Variants in PPARGC1A observed in about 807,000 individuals in gnomAD.
PPARGC1A encodes peroxisome proliferator-activated receptor gamma coactivator 1-alpha.
PPARGC1A carries 25 observed loss-of-function variants against 88.7 expected under a neutral mutation model. The ratio of observed to expected loss-of-function variants is 0.28; its 90% CI spans 0.21 to 0.39. PPARGC1A has a LOEUF of 0.39. Ranked by LOEUF, PPARGC1A falls within the 10% of genes least tolerant of loss-of-function variation. The pLI is 1.00. For synonymous variants in PPARGC1A, 363 were observed against 355.6 expected (o/e 1.02, Z -0.24); for missense variants, 880 against 968.7 (o/e 0.91, Z 1.22).
chr4:24,007,940 A>G, the PPARGC1A span, among the ~76,000 whole-genome samples: 1 of 152,178 alleles, frequency 6.6e-6, no homozygotes, highest in Non-Finnish European at 1.5e-5. Context: ...TCAGCTCTGC[A>G]GTGCAGCCAT....
At chr4:23,960,812 A>G in the PPARGC1A span, among the ~76,000 whole-genome samples, 13 of 152,136 alleles carry the variant, frequency 8.5e-5, no homozygotes, top group African/African-American at 2.9e-4. Flanking sequence ...TTCATAAAAT[A>G]ATTAAGCATT....
chr4:23,889,752 G>A, intron 1 of PPARGC1A, 152 bp downstream of exon 1: 1 of 913,748 alleles, frequency 1.1e-6, no homozygotes, highest in Middle Eastern at 3.0e-4. Flanking sequence ...ACTTATTGGA[G>A]TTAAGATAAG....
At chr4:23,844,764 A>AATAATATATGATATATATTATT (rs1553889234) in intron 2 of PPARGC1A, among the ~76,000 whole-genome samples, 12,851 of 45,444 alleles carry the variant, frequency 0.28, 2,634 homozygotes, top group Non-Finnish European at 0.31. Context: ...TATATATTAT[A>AATAATATATGATATATATTATT]ATAATATATG....
chr4:23,897,507 C>A (rs1718735327), intron 1 of PPARGC1A, among the ~76,000 whole-genome samples: 1 of 152,154 alleles, frequency 6.6e-6, no homozygotes, highest in African/African-American at 2.4e-5. Flanking sequence ...AAGATCTCTG[C>A]CAGATCTAAA....
the PPARGC1A span, among the ~76,000 whole-genome samples, chr4:24,417,941 T>C: frequency 6.6e-6 from 1 of 152,050 alleles, no homozygotes; most frequent in Admixed American, 6.5e-5. Context: ...ATGACTTCTA[T>C]ATGGCTATAA....
chr4:24,281,401 A>C, the PPARGC1A span, among the ~76,000 whole-genome samples: 5 of 152,200 alleles, frequency 3.3e-5, no homozygotes, highest in Non-Finnish European at 5.9e-5. Flanking sequence ...GCATGTGTAG[A>C]GATCACACAG....
the PPARGC1A span, among the ~76,000 whole-genome samples, chr4:23,962,033 C>T: frequency 5.4e-4 from 82 of 152,082 alleles, no homozygotes; most frequent in African/African-American, 2.0e-3. Flanking sequence ...CTGGCCAGTA[C>T]GAAAAGGGTT....
chr4:24,354,862 G>C, the PPARGC1A span, among the ~76,000 whole-genome samples: 1 of 151,868 alleles, frequency 6.6e-6, no homozygotes, highest in Admixed American at 6.6e-5. Flanking sequence ...ACTCCAGCAT[G>C]GGCGACAGAG....
At chr4:24,080,237 C>G in the PPARGC1A span, among the ~76,000 whole-genome samples, 1 of 151,970 alleles carries the variant, frequency 6.6e-6, no homozygotes, top group Admixed American at 6.6e-5. Context: ...GGGAGTTGTA[C>G]TGTTTTTCCA....
chr4:24,267,211 A>C, the PPARGC1A span, among the ~76,000 whole-genome samples: 38 of 152,310 alleles, frequency 2.5e-4, no homozygotes, highest in Admixed American at 4.6e-4. Flanking sequence ...TGGAATGCTA[A>C]TATGCAAATG....
the PPARGC1A span, among the ~76,000 whole-genome samples, chr4:24,274,498 T>C: frequency 3.9e-5 from 6 of 152,260 alleles, no homozygotes; most frequent in Non-Finnish European, 7.3e-5. Flanking sequence ...ATAGACAGTA[T>C]GTAAACAAAT....
At chr4:24,170,245 G>A in the PPARGC1A span, among the ~76,000 whole-genome samples, 1 of 152,148 alleles carries the variant, frequency 6.6e-6, no homozygotes, top group African/African-American at 2.4e-5. Context: ...GGGTGTAAGA[G>A]GCAACAACTT....
chr4:24,078,373 T>C, the PPARGC1A span, among the ~76,000 whole-genome samples: 2 of 152,122 alleles, frequency 1.3e-5, no homozygotes, highest in African/African-American at 4.8e-5. Flanking sequence ...TGTTGGCACT[T>C]TGAAAGAGAA....
chr4:24,102,995 A>C, the PPARGC1A span, among the ~76,000 whole-genome samples: 1 of 152,180 alleles, frequency 6.6e-6, no homozygotes, highest in African/African-American at 2.4e-5. Context: ...GGGGCTTGAA[A>C]TCATGCCACC....
chr4:24,348,751 C>A, the PPARGC1A span, among the ~76,000 whole-genome samples: 1 of 152,108 alleles, frequency 6.6e-6, no homozygotes, highest in Non-Finnish European at 1.5e-5. Context: ...TGTGCTTCAC[C>A]TTTCTCTGAT....
At chr4:24,278,368 T>C in the PPARGC1A span, among the ~76,000 whole-genome samples, 1 of 152,180 alleles carries the variant, frequency 6.6e-6, no homozygotes, top group East Asian at 1.9e-4. Context: ...AATCCATACC[T>C]TCTTGTGTCA....
chr4:23,840,939 G>A (rs2148606184), intron 2 of PPARGC1A, among the ~76,000 whole-genome samples: 1 of 152,218 alleles, frequency 6.6e-6, no homozygotes, highest in East Asian at 1.9e-4. Flanking sequence ...AGGCAAGCAA[G>A]TGATATATTC....
chr4:24,000,638 T>C, the PPARGC1A span, among the ~76,000 whole-genome samples: 1 of 152,194 alleles, frequency 6.6e-6, no homozygotes, highest in Admixed American at 6.5e-5. Context: ...TAACCCATTA[T>C]CCAATAGGAT....
the PPARGC1A span, among the ~76,000 whole-genome samples, chr4:23,989,815 G>A: frequency 1.3e-5 from 2 of 151,398 alleles, no homozygotes; most frequent in African/African-American, 4.8e-5. Context: ...GCTATTCTTT[G>A]ACAAGATTTA....
Sources: allele counts gnomAD v4.1 joint callset (sites outside exome capture counted in the v4.1 genomes callset), GRCh38; gene constraint gnomAD v4.1.1; transcripts MANE v1.5; gene names NCBI Gene and HGNC (gene_info 2026-07-23, HGNC 2026-07-21).